NTM: variants seen among roughly 807,000 people sequenced by gnomAD.
NTM encodes the protein neurotrimin.
A neutral mutation model predicts 42.1 loss-of-function variants in NTM; 13 were observed. That is an observed-to-expected ratio of 0.31 (90% CI 0.20 to 0.49). The LOEUF (loss-of-function observed/expected upper bound fraction) is 0.49, where lower values mean the gene tolerates loss of function less well. Among genes scored for constraint, NTM ranks in the 20% least tolerant of loss-of-function variants. The pLI is 0.99. For synonymous variants in NTM, 187 were observed against 179.2 expected, an observed-to-expected ratio of 1.04 and a Z score of -0.35; for missense variants, 373 against 452.8, an observed-to-expected ratio of 0.82 and a Z score of 1.60.
intron 2 of NTM, among the ~76,000 whole-genome samples, chr11:131,913,859 G>A (rs918953910): frequency 2.0e-5 from 3 of 152,318 alleles, no homozygotes; most frequent in Admixed American, 6.5e-5. Context: ...AGTGGATGGA[G>A]CACTACAGGG....
chr11:132,057,906 C>A (rs1230244873), intron 2 of NTM, among the ~76,000 whole-genome samples: 6 of 152,154 alleles, frequency 3.9e-5, no homozygotes, highest in Non-Finnish European at 1.5e-5. Flanking sequence ...GACCTAAGAC[C>A]ATTGCCCAGT....
intron 2 of NTM, among the ~76,000 whole-genome samples, chr11:132,085,815 G>A (rs1594510803): frequency 6.6e-6 from 1 of 152,076 alleles, no homozygotes; most frequent in South Asian, 2.1e-4. Flanking sequence ...TAAGAGCAGG[G>A]TTAGGAAAGC....
intron 1 of NTM, among the ~76,000 whole-genome samples, chr11:131,510,964 A>G (rs2136458045): frequency 6.6e-6 from 1 of 152,302 alleles, no homozygotes; most frequent in Non-Finnish European, 1.5e-5. Context: ...ACAGGGCCAT[A>G]CTGTGTCCTA....
chr11:132,127,773 G>A (rs1320286914), intron 2 of NTM, among the ~76,000 whole-genome samples: 1 of 152,176 alleles, frequency 6.6e-6, no homozygotes, highest in African/African-American at 2.4e-5. Flanking sequence ...TCACAGCCAA[G>A]CCTCATTCAT....
chr11:132,103,908 C>T (rs2061939130), intron 2 of NTM, among the ~76,000 whole-genome samples: 1 of 152,220 alleles, frequency 6.6e-6, no homozygotes, highest in African/African-American at 2.4e-5. Flanking sequence ...GCTGTCCCTT[C>T]AAGTGGCCTT....
At chr11:132,225,322 G>A (rs2085987908) in intron 4 of NTM, among the ~76,000 whole-genome samples, 2 of 150,248 alleles carry the variant, frequency 1.3e-5, no homozygotes, top group Admixed American at 6.6e-5. Flanking sequence ...AAAAAAAAAA[G>A]ACATGGGTGA....
At chr11:131,421,432 G>C (rs181574529) in intron 1 of NTM, among the ~76,000 whole-genome samples, 10 of 152,320 alleles carry the variant, frequency 6.6e-5, no homozygotes, top group African/African-American at 2.2e-4. Flanking sequence ...GATGCTGAAG[G>C]TTCCTTTGGA....
chr11:132,107,339 CTTTTTTTT>C (rs780844735), intron 2 of NTM, among the ~76,000 whole-genome samples: 15 of 88,866 alleles, frequency 1.7e-4, no homozygotes, highest in African/African-American at 5.5e-4. Flanking sequence ...AAGATTTATC[CTTTTTTTT>C]TTTTTTTTTT....
chr11:131,973,126 T>C (rs1471392370), intron 2 of NTM, among the ~76,000 whole-genome samples: 1 of 152,234 alleles, frequency 6.6e-6, no homozygotes, highest in Non-Finnish European at 1.5e-5. Context: ...CAATCAGGGC[T>C]GCCTTTTTCC....
intron 1 of NTM, among the ~76,000 whole-genome samples, chr11:131,473,535 T>C (rs1952646191): frequency 1.3e-5 from 2 of 152,192 alleles, no homozygotes; most frequent in African/African-American, 4.8e-5. Flanking sequence ...GAGGCAGGGA[T>C]AAGCAGGCTT....
intron 8 of NTM, 128 bp downstream of exon 8, chr11:132,330,313 A>C: frequency 1.1e-6 from 1 of 947,558 alleles, no homozygotes; most frequent in Non-Finnish European, 1.6e-6. Flanking sequence ...CCCTCCCCCA[A>C]CCTTCAACCA....
intron 1 of NTM, among the ~76,000 whole-genome samples, chr11:131,892,937 C>A (rs1351446628): frequency 6.6e-6 from 1 of 152,216 alleles, no homozygotes; most frequent in Non-Finnish European, 1.5e-5. Flanking sequence ...CTTGGCATAC[C>A]CTTTCTCTCC....
chr11:132,314,058 T>A (rs183627493), intron 6 of NTM, among the ~76,000 whole-genome samples: 1 of 152,034 alleles, frequency 6.6e-6, no homozygotes, highest in African/African-American at 2.4e-5. Context: ...ATGCTTCTGG[T>A]GCTTCAGGAG....
At chr11:132,125,708 T>TGTTCATGC (rs2065657156) in intron 2 of NTM, among the ~76,000 whole-genome samples, 1 of 438 alleles carries the variant, frequency 2.3e-3, no homozygotes, top group Non-Finnish European at 5.8e-3. Flanking sequence ...GAGTGTGGTG[T>TGTTCATGC]GTAGTGTGTG....
chr11:132,237,462 T>C (rs2089230477), intron 4 of NTM, among the ~76,000 whole-genome samples: 1 of 152,186 alleles, frequency 6.6e-6, no homozygotes, highest in Non-Finnish European at 1.5e-5. Context: ...ATTAGCTCTT[T>C]ACTCTCTCAG....
intron 3 of NTM, among the ~76,000 whole-genome samples, chr11:132,193,829 TAAA>T (rs1256496175): frequency 6.6e-6 from 1 of 152,016 alleles, no homozygotes; most frequent in Non-Finnish European, 1.5e-5. Flanking sequence ...CAGAGACTAT[TAAA>T]AACACTTCTA....
chr11:131,389,024 A>AAGAAAAG (rs1555097643), intron 1 of NTM, among the ~76,000 whole-genome samples: 1 of 89,906 alleles, frequency 1.1e-5, no homozygotes, highest in African/African-American at 4.6e-5. Context: ...AAAAAAAAAA[A>AAGAAAAG]AAAAGAAAAG....
chr11:132,208,401 C>G (rs1056871057), intron 3 of NTM, among the ~76,000 whole-genome samples: 22 of 152,232 alleles, frequency 1.4e-4, no homozygotes, highest in African/African-American at 4.3e-4. Context: ...GTCTTTCTCA[C>G]TCACCCAAGG....
chr11:131,383,115 A>G (rs1942892190), intron 1 of NTM, among the ~76,000 whole-genome samples: 2 of 152,182 alleles, frequency 1.3e-5, no homozygotes. Context: ...TCCCGATGAG[A>G]TGTCTTCATC....
Sources: allele counts gnomAD v4.1 joint callset (sites outside exome capture counted in the v4.1 genomes callset), GRCh38; gene constraint gnomAD v4.1.1; transcripts MANE v1.5; gene names NCBI Gene and HGNC (gene_info 2026-07-23, HGNC 2026-07-21).